The following DNAH6 variants were observed in gnomAD, a reference collection of about 807,000 sequenced individuals.
DNAH6 encodes the protein dynein axonemal heavy chain 6.
In DNAH6, 340 loss-of-function variants were observed where a neutral mutation model predicts 491.4. The observed-to-expected ratio is 0.69, with a 90% CI of 0.63 to 0.76. The LOEUF (loss-of-function observed/expected upper bound fraction) is 0.76, where lower values mean the gene tolerates loss of function less well. DNAH6 is among the 30% of genes least tolerant of loss of function. The probability of loss-of-function intolerance (pLI) is 0.00; values close to 1 mark genes in which losing one functional copy is unlikely to be tolerated. For missense variants in DNAH6, 4,443 were observed against 4,972.2 expected (o/e 0.89, Z 3.20); for synonymous variants, 1,603 against 1,686.1 (o/e 0.95, Z 1.21).
intron 64 of DNAH6, among the ~76,000 whole-genome samples, chr2:84,781,164 T>G (rs1338327231): frequency 6.6e-6 from 1 of 152,138 alleles, no homozygotes; most frequent in Non-Finnish European, 1.5e-5. Context: ...TGATTACCTG[T>G]GGGAAGAAGG....
chr2:84,703,114 C>T (rs1345427005), intron 49 of DNAH6, among the ~76,000 whole-genome samples: 1 of 152,226 alleles, frequency 6.6e-6, no homozygotes, highest in Admixed American at 6.5e-5. Context: ...AAAAACAGTA[C>T]CATGTGGTCC....
chr2:84,499,911 T>A, the DNAH6 span, among the ~76,000 whole-genome samples: 5 of 151,704 alleles, frequency 3.3e-5, no homozygotes, highest in East Asian at 9.7e-4. Context: ...CCAATAGAGT[T>A]GTTTTAGTTC....
chr2:84,777,789 G>C, intron 64 of DNAH6: 1 of 1,033,430 alleles, frequency 9.7e-7, no homozygotes, highest in South Asian at 1.3e-5. Context: ...CAGTTTTTGG[G>C]GAAGCCACTT....
At chr2:84,595,406 AC>A (rs1301234658) in intron 17 of DNAH6, among the ~76,000 whole-genome samples, 1 of 152,058 alleles carries the variant, frequency 6.6e-6, no homozygotes, top group African/African-American at 2.4e-5. Flanking sequence ...ATGAATATTG[AC>A]CCTCAGAAAT....
At chr2:84,686,596 G>A in intron 44 of DNAH6, 39 bp downstream of exon 44, 2 of 1,148,966 alleles carry the variant, frequency 1.7e-6, no homozygotes, top group Non-Finnish European at 1.2e-6. Flanking sequence ...TTTGAAAATT[G>A]TAAAGCATTT....
At chr2:84,754,622 A>G (rs547695720) in intron 63 of DNAH6, among the ~76,000 whole-genome samples, 18 of 152,340 alleles carry the variant, frequency 1.2e-4, no homozygotes, top group African/African-American at 4.1e-4. Flanking sequence ...TGAATTTTCA[A>G]TTTTATTCCA....
chr2:84,780,029 G>A (rs530672852), intron 64 of DNAH6, among the ~76,000 whole-genome samples: 1 of 152,224 alleles, frequency 6.6e-6, no homozygotes, highest in South Asian at 2.1e-4. Context: ...GACGACCTTT[G>A]TAAGGGATCT....
the DNAH6 span, among the ~76,000 whole-genome samples, chr2:84,484,730 C>A: frequency 6.6e-6 from 1 of 152,176 alleles, no homozygotes; most frequent in Non-Finnish European, 1.5e-5. Context: ...GATATAATCT[C>A]CTCATCTTGA....
intron 64 of DNAH6, among the ~76,000 whole-genome samples, chr2:84,763,534 T>C (rs904915025): frequency 6.6e-6 from 1 of 152,112 alleles, no homozygotes; most frequent in Non-Finnish European, 1.5e-5. Flanking sequence ...GACCACACAA[T>C]GGCAGAGGAG....
At position 84,805,677 on chromosome 2, in the gene DNAH6, A is replaced by T. The variant is rs1269334575; in HGVS notation, c.11494A>T (p.Ser3832Cys). ...ANLVFQYKETSTLINTILEVQ... is the reference protein window; with the variant it reads ...ANLVFQYKETCTLINTILEVQ... ...ATTGCCATTACAGTACAAAGAGACCAGCACTTTAATCAACACCATACTTGA... is the reference window on the plus strand; with the variant it reads ...ATTGCCATTACAGTACAAAGAGACCTGCACTTTAATCAACACCATACTTGA... Residue 3832 changes from serine (S) to cysteine (C), a missense_variant, in exon 71 of 77, where the codon AGC becomes TGC. Around this residue, in one of 3 missense-constraint regions of DNAH6, gnomAD observed 1,463 missense variants for 1,656.6 expected, o/e 0.88. Coordinates refer to ENST00000389394, the MANE Select transcript of DNAH6 (RefSeq NM_001370.2). 3 of 1,551,430 alleles carry T rather than the reference A, an allele frequency of 1.9e-6. No individual in the cohort carries two copies. Among genetic ancestry groups the T allele is most frequent in the Admixed American group, 2.0e-5 (1 of 50,916 alleles).
At chr2:84,548,235 A>C (rs1678979320) in intron 7 of DNAH6, 53 bp from the exon 8 acceptor site, 1 of 1,525,678 alleles carries the variant, frequency 6.6e-7, no homozygotes, top group Admixed American at 2.2e-5. Flanking sequence ...ATATTGAAAG[A>C]GATGGAACTT....
chr2:84,808,298 C>T, intron 71 of DNAH6, 117 bp from the exon 72 acceptor site: 1 of 1,189,866 alleles, frequency 8.4e-7, no homozygotes, highest in Non-Finnish European at 1.1e-6. Context: ...ATGTATCTGG[C>T]TTAAACAATG....
chr2:84,689,426 T>A (rs1251848329), intron 45 of DNAH6, among the ~76,000 whole-genome samples: 1 of 152,166 alleles, frequency 6.6e-6, no homozygotes, highest in Non-Finnish European at 1.5e-5. Flanking sequence ...CTCTTACAGT[T>A]GTAATCAGAC....
At chr2:84,703,325 T>G in intron 49 of DNAH6, 70 bp from the exon 50 acceptor site, 3 of 1,121,970 alleles carry the variant, frequency 2.7e-6, no homozygotes, top group Non-Finnish European at 3.6e-6. Flanking sequence ...ACATGAGTAA[T>G]ATGTGTTCGA....
intron 15 of DNAH6, among the ~76,000 whole-genome samples, chr2:84,586,095 C>T (rs1307580144): frequency 2.6e-5 from 4 of 152,364 alleles, no homozygotes; most frequent in East Asian, 3.9e-4. Flanking sequence ...GGCTTCTCTC[C>T]CTTCCAAGAT....
At chr2:84,748,935 AG>A (rs1673205130) in intron 63 of DNAH6, among the ~76,000 whole-genome samples, 1 of 152,192 alleles carries the variant, frequency 6.6e-6, no homozygotes, top group Non-Finnish European at 1.5e-5. Flanking sequence ...TGAAAGGCAA[AG>A]GGGGAGCAAA....
At chr2:84,559,595 CATAAA>C (rs1680438498) in intron 11 of DNAH6, among the ~76,000 whole-genome samples, 2 of 152,078 alleles carry the variant, frequency 1.3e-5, no homozygotes, top group South Asian at 4.1e-4. Flanking sequence ...TTCCTGTTAC[CATAAA>C]ATAAAATAAA....
intron 32 of DNAH6, 43 bp from the exon 33 acceptor site, chr2:84,641,904 T>C (rs1323334862): frequency 2.0e-6 from 3 of 1,480,328 alleles, no homozygotes; most frequent in Admixed American, 4.0e-5. Flanking sequence ...ATGTTCAACC[T>C]TATGTTCTTG....
chr2:84,572,163 C>A (rs1681959714), intron 11 of DNAH6, among the ~76,000 whole-genome samples: 1 of 152,100 alleles, frequency 6.6e-6, no homozygotes, highest in Non-Finnish European at 1.5e-5. Flanking sequence ...TAGTAAGTAA[C>A]CCCTGAAATA....
Sources: gnomAD v4.1 joint callset for allele counts (sites outside exome capture counted in the v4.1 genomes callset) on GRCh38, gnomAD v4.1.1 for gene constraint, gnomAD v4.1.1 regional missense constraint, MANE v1.5 for transcripts, NCBI Gene and HGNC (gene_info 2026-07-23, HGNC 2026-07-21) for gene names.